Variants in EXOC4 observed in about 807,000 individuals in gnomAD.
EXOC4 encodes SEC8-like 1.
In EXOC4, 71 loss-of-function variants were observed where a neutral mutation model predicts 107.2. That is an observed-to-expected ratio of 0.66 (90% confidence interval 0.55 to 0.81). EXOC4 has a LOEUF of 0.81. Ranked by LOEUF, EXOC4 falls within the 30% of genes least tolerant of loss-of-function variation. The pLI is 0.00. For synonymous variants in EXOC4, 456 were observed against 441.2 expected (o/e 1.03, Z -0.42); for missense variants, 1,108 against 1,189.6 (o/e 0.93, Z 1.01).
chr7:133,459,968 G>A (rs982928313), intron 7 of EXOC4, among the ~76,000 whole-genome samples: 3 of 152,112 alleles, frequency 2.0e-5, no homozygotes, highest in African/African-American at 7.2e-5. Context: ...AAAGAAATAG[G>A]AAAGCCAATG....
intron 10 of EXOC4, among the ~76,000 whole-genome samples, chr7:133,810,719 G>A (rs1013489660): frequency 4.6e-5 from 7 of 151,650 alleles, no homozygotes; most frequent in Middle Eastern, 3.2e-3. Flanking sequence ...TGCAACCTCC[G>A]CCTCCCAGGT....
intron 6 of EXOC4, among the ~76,000 whole-genome samples, chr7:133,357,168 A>C (rs371292747): frequency 6.6e-6 from 1 of 152,252 alleles, no homozygotes; most frequent in Non-Finnish European, 1.5e-5. Flanking sequence ...AAATTGAATC[A>C]AATAATGTAG....
At chr7:133,774,358 G>C (rs1196887560) in intron 10 of EXOC4, among the ~76,000 whole-genome samples, 1 of 152,018 alleles carries the variant, frequency 6.6e-6, no homozygotes, top group Non-Finnish European at 1.5e-5. Flanking sequence ...AGATGCCCCA[G>C]TAGGAAGTAG....
chr7:133,533,979 C>A (rs1800228323), intron 9 of EXOC4, among the ~76,000 whole-genome samples: 1 of 152,096 alleles, frequency 6.6e-6, no homozygotes, highest in Non-Finnish European at 1.5e-5. Flanking sequence ...AACTTCAAGT[C>A]TTTGCAAATG....
chr7:133,630,164 CTT>C, intron 10 of EXOC4, 23 bp downstream of exon 10: 1 of 1,521,828 alleles, frequency 6.6e-7, no homozygotes, highest in Non-Finnish European at 9.1e-7. Flanking sequence ...CTATGATATA[CTT>C]ACTGAAGATC....
intron 12 of EXOC4, among the ~76,000 whole-genome samples, chr7:133,914,545 G>A (rs908822065): frequency 2.0e-5 from 3 of 151,970 alleles, no homozygotes; most frequent in Non-Finnish European, 4.4e-5. Context: ...AAAGAAATCA[G>A]AATCCCACAC....
intron 10 of EXOC4, among the ~76,000 whole-genome samples, chr7:133,757,078 G>A (rs563406892): frequency 1.9e-4 from 29 of 152,248 alleles, no homozygotes; most frequent in Non-Finnish European, 2.8e-4. Context: ...TTGGTTGTTC[G>A]AGATTTCGTT....
intron 7 of EXOC4, among the ~76,000 whole-genome samples, chr7:133,427,061 T>G (rs549052087): frequency 1.5e-4 from 22 of 148,198 alleles, no homozygotes; most frequent in South Asian, 2.2e-4. Context: ...ATATGTGTGG[T>G]TTTTTTTTGT....
chr7:133,533,081 G>A (rs1259844123), intron 9 of EXOC4, among the ~76,000 whole-genome samples: 4 of 152,086 alleles, frequency 2.6e-5, no homozygotes, highest in African/African-American at 9.7e-5. Flanking sequence ...TCTGAGCAAT[G>A]TATCTTGGTC....
intron 7 of EXOC4, among the ~76,000 whole-genome samples, chr7:133,460,077 A>C (rs1365866252): frequency 6.6e-6 from 1 of 152,210 alleles, no homozygotes; most frequent in East Asian, 1.9e-4. Flanking sequence ...ATCAGGGACC[A>C]GTTTCATGGA....
chr7:133,499,027 TC>T (rs747196176), intron 9 of EXOC4, among the ~76,000 whole-genome samples: 1 of 152,050 alleles, frequency 6.6e-6, no homozygotes, highest in Non-Finnish European at 1.5e-5. Flanking sequence ...TTACCATGTG[TC>T]AATCAGTATT....
chr7:133,691,779 T>A (rs1308751215), intron 10 of EXOC4, among the ~76,000 whole-genome samples: 4 of 152,168 alleles, frequency 2.6e-5, no homozygotes, highest in African/African-American at 7.2e-5. Flanking sequence ...CCTGGGGAGA[T>A]GTATTCAAGT....
intron 5 of EXOC4, among the ~76,000 whole-genome samples, chr7:133,340,177 A>T (rs1039860178): frequency 6.6e-6 from 1 of 152,232 alleles, no homozygotes; most frequent in East Asian, 1.9e-4. Flanking sequence ...ACATTAAGGC[A>T]TTTCCTTTGT....
rs564251805 is a variant in EXOC4 at position 133,481,357 on chromosome 7, C to G, written c.1417+1219C>G. ...ACATAAATTGTTTTAGAACTCTGGGCTTTTCTCCATGAGGGATGGGAACGA... is the reference window on the plus strand; with the variant it reads ...ACATAAATTGTTTTAGAACTCTGGGGTTTTCTCCATGAGGGATGGGAACGA... On this transcript the variant is annotated intron_variant, in intron 9 of 17. Transcript: ENST00000253861. Among the ~76,000 whole-genome samples the G allele has an allele frequency of 1.5e-3, 219 of 147,820 alleles. 9 individuals are homozygous for G. The South Asian group carries it at 0.044, about 30-fold the overall frequency.
chr7:133,619,696 G>C (rs543964664), intron 9 of EXOC4, among the ~76,000 whole-genome samples: 12 of 152,302 alleles, frequency 7.9e-5, no homozygotes, highest in Non-Finnish European at 1.3e-4. Flanking sequence ...TCTGCAATCT[G>C]AAACTTGAGT....
intron 7 of EXOC4, among the ~76,000 whole-genome samples, chr7:133,422,667 C>T (rs948494533): frequency 6.6e-6 from 1 of 152,064 alleles, no homozygotes; most frequent in African/African-American, 2.4e-5. Context: ...TTCAAAATGA[C>T]CCAGTTCAGA....
intron 5 of EXOC4, among the ~76,000 whole-genome samples, chr7:133,327,189 A>G (rs778146245): frequency 6.6e-6 from 1 of 152,102 alleles, no homozygotes; most frequent in Non-Finnish European, 1.5e-5. Flanking sequence ...GCTTCAGCTC[A>G]CGCTTGGTGG....
intron 11 of EXOC4, among the ~76,000 whole-genome samples, chr7:133,844,833 C>G (rs1798092239): frequency 6.6e-6 from 1 of 152,100 alleles, no homozygotes; most frequent in African/African-American, 2.4e-5. Flanking sequence ...ATCCCCTTCA[C>G]TGGCCCATTT....
chr7:133,343,577 A>C (rs970498584), intron 5 of EXOC4, among the ~76,000 whole-genome samples: 5 of 150,940 alleles, frequency 3.3e-5, no homozygotes, highest in African/African-American at 1.2e-4. Flanking sequence ...CACTCGACTT[A>C]ATCTTGTCTT....
Sources: allele counts gnomAD v4.1 joint callset (sites outside exome capture counted in the v4.1 genomes callset), GRCh38; gene constraint gnomAD v4.1.1; transcripts MANE v1.5; gene names NCBI Gene and HGNC (gene_info 2026-07-23, HGNC 2026-07-21).